DRC9: variants seen among roughly 807,000 people sequenced by gnomAD.
DRC9 encodes the protein dynein regulatory complex protein 9.
At chr3:197,900,424 G>A in the DRC9 span, among the ~76,000 whole-genome samples, 1 of 152,184 alleles carries the variant, frequency 6.6e-6, no homozygotes, top group Non-Finnish European at 1.5e-5. This position sits in a 1 kb window ranked among gnomAD's most constrained non-coding sequence, Gnocchi z 4.7. Flanking sequence ...TACCAGCTCA[G>A]CCACAGCAGA....
At chr3:197,938,843 C>G in the DRC9 span, 1 of 1,130,568 alleles carries the variant, frequency 8.8e-7, no homozygotes, top group Non-Finnish European at 1.3e-6. Flanking sequence ...AAGAAAGAGG[C>G]CTTTGTGTAC....
chr3:197,907,227 G>A, the DRC9 span, among the ~76,000 whole-genome samples: 17 of 152,314 alleles, frequency 1.1e-4, no homozygotes, highest in Admixed American at 1.1e-3. Flanking sequence ...TCTTAGTAAA[G>A]AAGTGTCTTC....
chr3:197,954,462 T>C, the DRC9 span: 1 of 411,570 alleles, frequency 2.4e-6, no homozygotes, highest in Admixed American at 3.7e-5. Flanking sequence ...GCCCCCCAAG[T>C]AGCTGGGACC....
At chr3:197,924,464 T>C in the DRC9 span, among the ~76,000 whole-genome samples, 1 of 152,256 alleles carries the variant, frequency 6.6e-6, no homozygotes, top group Admixed American at 6.5e-5. Context: ...CTGTGAAGCA[T>C]AAACTTGTCC....
At chr3:197,917,992 C>G in the DRC9 span, among the ~76,000 whole-genome samples, 1 of 152,246 alleles carries the variant, frequency 6.6e-6, no homozygotes, top group South Asian at 2.1e-4. Flanking sequence ...GCCTCAGCCT[C>G]CCAAAGTGCT....
At chr3:197,920,251 G>A in the DRC9 span, among the ~76,000 whole-genome samples, 1 of 151,756 alleles carries the variant, frequency 6.6e-6, no homozygotes, top group Non-Finnish European at 1.5e-5. Flanking sequence ...TCTATTTGCT[G>A]TCTATGACTT....
the DRC9 span, chr3:197,955,660 C>A: frequency 8.8e-7 from 1 of 1,136,488 alleles, no homozygotes; most frequent in East Asian, 2.3e-5. Flanking sequence ...TAATTGGTAG[C>A]CTTTCAGAGA....
At chr3:197,912,329 T>C in the DRC9 span, among the ~76,000 whole-genome samples, 1 of 152,208 alleles carries the variant, frequency 6.6e-6, no homozygotes, top group African/African-American at 2.4e-5. Context: ...CGTGAGCCAC[T>C]GTGCCCAGCC....
At chr3:197,911,181 TAAA>T in the DRC9 span, among the ~76,000 whole-genome samples, 1 of 151,824 alleles carries the variant, frequency 6.6e-6, no homozygotes, top group Non-Finnish European at 1.5e-5. Flanking sequence ...TAAGCAAAAA[TAAA>T]AAATAAAACA....
the DRC9 span, among the ~76,000 whole-genome samples, chr3:197,907,334 G>C: frequency 6.6e-6 from 1 of 152,010 alleles, no homozygotes; most frequent in Non-Finnish European, 1.5e-5. Flanking sequence ...TACATCTTTG[G>C]ATTCTCTCCC....
the DRC9 span, among the ~76,000 whole-genome samples, chr3:197,919,599 T>G: frequency 6.6e-6 from 1 of 152,192 alleles, no homozygotes; most frequent in Admixed American, 6.5e-5. Flanking sequence ...CCTCTGGACT[T>G]GTTATTCGAA....
the DRC9 span, among the ~76,000 whole-genome samples, chr3:197,895,841 A>G: frequency 6.6e-6 from 1 of 151,536 alleles, no homozygotes; most frequent in East Asian, 1.9e-4. Flanking sequence ...CAGGCACGGT[A>G]GCATGCATTT....
chr3:197,914,027 T>C, the DRC9 span: 1 of 1,614,006 alleles, frequency 6.2e-7, no homozygotes, highest in East Asian at 2.2e-5. Context: ...AGGTTAGCAA[T>C]ATACTCATTC....
the DRC9 span, chr3:197,950,189 C>T: frequency 1.2e-5 from 15 of 1,231,548 alleles, no homozygotes; most frequent in East Asian, 3.2e-5. Context: ...GGGGCCTCGT[C>T]CTTCTCTTAC....
the DRC9 span, chr3:197,943,777 C>G: frequency 2.3e-5 from 37 of 1,613,654 alleles, no homozygotes; most frequent in Non-Finnish European, 2.6e-5. Flanking sequence ...TGGGTCTATA[C>G]CACGCAGATG....
At chr3:197,954,212 T>G in the DRC9 span, 1 of 1,574,364 alleles carries the variant, frequency 6.4e-7, no homozygotes, top group Non-Finnish European at 8.7e-7. Context: ...TGTTGTGCTT[T>G]GACTTCTGAG....
the DRC9 span, chr3:197,912,681 C>G: frequency 6.2e-7 from 1 of 1,613,060 alleles, no homozygotes; most frequent in Non-Finnish European, 8.5e-7. Flanking sequence ...CCACCTGCTG[C>G]TCCTTTCTAA....
At chr3:197,904,870 A>G in the DRC9 span, among the ~76,000 whole-genome samples, 8 of 152,208 alleles carry the variant, frequency 5.3e-5, no homozygotes, top group African/African-American at 1.9e-4. Flanking sequence ...AAATAAATTT[A>G]AAAAGGTGGG....
chr3:197,934,488 C>T, the DRC9 span, among the ~76,000 whole-genome samples: 2 of 151,836 alleles, frequency 1.3e-5, no homozygotes, highest in South Asian at 2.1e-4. Context: ...CCCGGCCAAA[C>T]GTTCACATTT....
Sources: allele counts gnomAD v4.1 joint callset (sites outside exome capture counted in the v4.1 genomes callset), GRCh38; gene constraint gnomAD v4.1.1; non-coding constraint Gnocchi (gnomAD v3.1); transcripts MANE v1.5; gene names NCBI Gene and HGNC (gene_info 2026-07-23, HGNC 2026-07-21).